The following ASIC2 variants were observed in gnomAD, a reference collection of about 807,000 sequenced individuals.
The protein encoded by ASIC2 is acid sensing ion channel subunit 2, also known as acid-sensing ion channel 2.
ASIC2 carries 25 observed loss-of-function variants against 57.3 expected under a neutral mutation model. That is an observed-to-expected ratio of 0.44 (90% CI 0.32 to 0.61). ASIC2 has a LOEUF of 0.61. Among genes scored for constraint, ASIC2 ranks in the 20% least tolerant of loss-of-function variants. The pLI, the probability that ASIC2 is intolerant of heterozygous loss-of-function variation, is 0.06. For missense variants in ASIC2, 641 were observed against 738.1 expected, an observed-to-expected ratio of 0.87 and a Z score of 1.52; for synonymous variants, 319 against 307.5, an observed-to-expected ratio of 1.04 and a Z score of -0.39.
chr17:33,656,463 C>G (rs773775697), intron 1 of ASIC2, among the ~76,000 whole-genome samples: 2 of 152,216 alleles, frequency 1.3e-5, no homozygotes, highest in Non-Finnish European at 2.9e-5. Flanking sequence ...GTTCCTATTT[C>G]TGGAACAGAA....
chr17:34,001,103 G>A (rs531867912), intron 1 of ASIC2: 1 of 152,284 alleles, frequency 6.6e-6, no homozygotes, highest in South Asian at 2.1e-4. Flanking sequence ...GGTTACTGGT[G>A]CTTTATTTTG....
chr17:34,065,504 G>A (rs1488936149), intron 1 of ASIC2, among the ~76,000 whole-genome samples: 1 of 151,880 alleles, frequency 6.6e-6, no homozygotes, highest in African/African-American at 2.4e-5. Context: ...AATAACTTGT[G>A]GAAAAATTTT....
At chr17:33,544,369 G>A (rs937376428) in intron 1 of ASIC2, among the ~76,000 whole-genome samples, 2 of 152,170 alleles carry the variant, frequency 1.3e-5, no homozygotes, top group African/African-American at 4.8e-5. Flanking sequence ...AAGTCTTTGT[G>A]TAACAAATGT....
chr17:33,022,429 G>A (rs959804907), intron 6 of ASIC2, among the ~76,000 whole-genome samples: 1 of 152,188 alleles, frequency 6.6e-6, no homozygotes, highest in African/African-American at 2.4e-5. Flanking sequence ...CTATTGGGGA[G>A]CAGTGGGCAA....
chr17:33,771,116 A>G (rs1275954258), intron 1 of ASIC2, among the ~76,000 whole-genome samples: 1 of 152,184 alleles, frequency 6.6e-6, no homozygotes, highest in Non-Finnish European at 1.5e-5. Flanking sequence ...AAAACTACAT[A>G]GTAACTTACT....
At chr17:33,120,415 C>T (rs1400125819) in intron 1 of ASIC2, among the ~76,000 whole-genome samples, 6 of 152,186 alleles carry the variant, frequency 3.9e-5, no homozygotes, top group East Asian at 1.9e-4. Context: ...GAAAACAACA[C>T]GAAGGGGAAC....
chr17:33,123,732 G>C (rs2092311892), intron 1 of ASIC2, among the ~76,000 whole-genome samples: 1 of 152,200 alleles, frequency 6.6e-6, no homozygotes, highest in Non-Finnish European at 1.5e-5. Flanking sequence ...GGGCTTGGGT[G>C]GGCTAATTCC....
chr17:34,102,191 G>T (rs1367214042), intron 1 of ASIC2, among the ~76,000 whole-genome samples: 4 of 151,934 alleles, frequency 2.6e-5, no homozygotes, highest in African/African-American at 9.7e-5. Context: ...TTAACCGGGT[G>T]TGGTGGTGGG....
intron 3 of ASIC2, among the ~76,000 whole-genome samples, chr17:33,062,049 T>G (rs561407151): frequency 6.6e-6 from 1 of 152,338 alleles, no homozygotes; most frequent in African/African-American, 2.4e-5. Flanking sequence ...GATTCTTCTC[T>G]CTTTTCTTCT....
chr17:33,792,869 A>G (rs917012437), intron 1 of ASIC2: 1 of 152,048 alleles, frequency 6.6e-6, no homozygotes, highest in Admixed American at 6.6e-5. Context: ...CAGCCCTGAG[A>G]CCTTTGGCAA....
intron 1 of ASIC2, among the ~76,000 whole-genome samples, chr17:33,161,349 C>T (rs892878975): frequency 6.6e-6 from 1 of 152,184 alleles, no homozygotes; most frequent in East Asian, 1.9e-4. Flanking sequence ...CACTACAGAG[C>T]CTTTGCACGT....
chr17:33,524,087 C>T (rs1240443430), intron 1 of ASIC2, among the ~76,000 whole-genome samples: 1 of 152,170 alleles, frequency 6.6e-6, no homozygotes, highest in South Asian at 2.1e-4. Context: ...TCAGCATGCC[C>T]CTGGGCCAAT....
At chr17:33,186,977 C>A (rs376534825) in intron 1 of ASIC2, among the ~76,000 whole-genome samples, 1 of 152,282 alleles carries the variant, frequency 6.6e-6, no homozygotes, top group East Asian at 1.9e-4. Context: ...CCGGTGATGA[C>A]CAGCTCAGTG....
At chr17:33,815,554 A>G (rs752223858) in intron 1 of ASIC2, among the ~76,000 whole-genome samples, 5 of 152,022 alleles carry the variant, frequency 3.3e-5, no homozygotes, top group Non-Finnish European at 7.4e-5. Flanking sequence ...CCAAACTGAC[A>G]CCCCTTGGAT....
In ASIC2 at chr17:33,775,013, A is replaced by T. The variant is rs930723671; in HGVS notation, c.555+380965T>A. On this transcript the variant is annotated intron_variant, in intron 1 of 9. Transcript: ENST00000359872. ...TTTAATCCAGGAGGACAGAGTATCC[A>T]AAAGAGACATATCCTGAAGAGCAAT... is the stretch of plus-strand genomic sequence containing the variant. 2.6e-5 allele frequency among the ~76,000 whole-genome samples: 4 copies of T among 152,256 alleles called. No homozygotes were observed. In the East Asian group the frequency reaches 7.7e-4, roughly 29 times the overall value.
intron 1 of ASIC2, among the ~76,000 whole-genome samples, chr17:33,675,224 C>T (rs1161331691): frequency 6.6e-6 from 1 of 152,186 alleles, no homozygotes; most frequent in Non-Finnish European, 1.5e-5. Context: ...ACCTGTCATG[C>T]TCCATCTACC....
chr17:33,770,377 G>A (rs550505737), intron 1 of ASIC2, among the ~76,000 whole-genome samples: 6 of 152,312 alleles, frequency 3.9e-5, no homozygotes, highest in Admixed American at 6.5e-5. Context: ...ATTTAATGGA[G>A]GAATGCATTT....
At chr17:33,727,118 T>A (rs755015002) in intron 1 of ASIC2, among the ~76,000 whole-genome samples, 1 of 152,192 alleles carries the variant, frequency 6.6e-6, no homozygotes, top group Non-Finnish European at 1.5e-5. Context: ...TACTTTGTAC[T>A]CCTAAATGGA....
intron 1 of ASIC2, among the ~76,000 whole-genome samples, chr17:33,605,130 A>T (rs1286519822): frequency 6.6e-6 from 1 of 152,190 alleles, no homozygotes; most frequent in Non-Finnish European, 1.5e-5. Context: ...ATGTTCTCAT[A>T]ATTGAGTCTG....
Sources: allele counts gnomAD v4.1 joint callset (sites outside exome capture counted in the v4.1 genomes callset), GRCh38; gene constraint gnomAD v4.1.1; transcripts MANE v1.5; gene names NCBI Gene and HGNC (gene_info 2026-07-23, HGNC 2026-07-21).